The following RHOBTB1 variants were observed in gnomAD, a reference collection of about 807,000 sequenced individuals.
RHOBTB1 encodes Rho related BTB domain containing 1, also known as rho-related BTB domain-containing protein 1.
In RHOBTB1, 40 loss-of-function variants were observed where a neutral mutation model predicts 71.6. The observed-to-expected ratio is 0.56, with a 90% CI of 0.43 to 0.73. RHOBTB1 has a LOEUF of 0.73. Among genes scored for constraint, RHOBTB1 ranks in the 30% least tolerant of loss-of-function variants. The pLI is 0.00. For missense variants in RHOBTB1, 797 were observed against 894.0 expected (o/e 0.89, Z 1.38); for synonymous variants, 319 against 334.9 (o/e 0.95, Z 0.52).
intron 2 of RHOBTB1, among the ~76,000 whole-genome samples, chr10:60,973,265 T>G (rs2086219685): frequency 6.6e-6 from 1 of 152,096 alleles, no homozygotes; most frequent in East Asian, 1.9e-4. Flanking sequence ...ATTTTAGTGG[T>G]TGCAGAAAAT....
intron 2 of RHOBTB1, among the ~76,000 whole-genome samples, chr10:60,936,015 G>C (rs560540265): frequency 2.0e-5 from 3 of 152,300 alleles, no homozygotes; most frequent in African/African-American, 7.2e-5. Flanking sequence ...TGTTAATAAT[G>C]GAGATTAAAC....
intron 2 of RHOBTB1, among the ~76,000 whole-genome samples, chr10:60,967,285 GTT>G (rs1289662635): frequency 7.9e-6 from 1 of 126,680 alleles, no homozygotes; most frequent in African/African-American, 2.9e-5. Flanking sequence ...TTGTTTGCCT[GTT>G]TTTTTTTTTT....
In RHOBTB1 at chr10:60,888,606, C is replaced by T. The variant is rs2081730738; in HGVS notation, c.1062G>A (p.Val354=). The change falls in exon 6 of 11, where the codon GTG becomes GTA. Residue 354 remains valine (V), a synonymous_variant. Coordinates refer to ENST00000337910, the MANE Select transcript of RHOBTB1 (RefSeq NM_014836.5). ...DQWKSSNKSL[V]EALGLEAEGA... is the part of the protein sequence containing the mutation. ...CCTCGGCTTCCAGCCCCAGAGCCTC[C>T]ACCAGGCTCTTGTTTGAAGACTTCC... 6.2e-7 allele frequency: 1 copy of T among 1,614,196 alleles called. No homozygotes were observed.
chr10:60,958,105 A>C (rs2085656805), intron 2 of RHOBTB1, among the ~76,000 whole-genome samples: 1 of 152,172 alleles, frequency 6.6e-6, no homozygotes. Context: ...CAGTACACAA[A>C]ACAGCCAACG....
intron 2 of RHOBTB1, among the ~76,000 whole-genome samples, chr10:60,927,579 T>C (rs1404161706): frequency 6.6e-6 from 1 of 152,210 alleles, no homozygotes; most frequent in Non-Finnish European, 1.5e-5. Context: ...AGCCAACTTA[T>C]TTTTGACAAA....
At chr10:60,934,703 G>A (rs368109084) in intron 2 of RHOBTB1, among the ~76,000 whole-genome samples, 93 of 152,272 alleles carry the variant, frequency 6.1e-4, no homozygotes, top group African/African-American at 2.1e-3. Flanking sequence ...TTAGCCTTTG[G>A]CTCCATGTCC....
intron 4 of RHOBTB1, among the ~76,000 whole-genome samples, chr10:60,902,110 C>T (rs770491587): frequency 3.9e-5 from 6 of 152,182 alleles, no homozygotes; most frequent in Non-Finnish European, 8.8e-5. Context: ...TCTGTTTTTC[C>T]CTTCTGGGTA....
At chr10:60,887,152 G>T (rs2081627430) in intron 6 of RHOBTB1, among the ~76,000 whole-genome samples, 1 of 151,222 alleles carries the variant, frequency 6.6e-6, no homozygotes, top group South Asian at 2.1e-4. Flanking sequence ...AGGAGGAGGT[G>T]ATTTAATCAA....
chr10:60,998,064 G>A (rs1266120286), intron 1 of RHOBTB1, among the ~76,000 whole-genome samples: 2 of 152,176 alleles, frequency 1.3e-5, no homozygotes, highest in East Asian at 1.9e-4. Context: ...ATCATTCTGA[G>A]CTTCAGTTTC....
intron 1 of RHOBTB1, among the ~76,000 whole-genome samples, chr10:60,986,415 A>ATATAT (rs2086666734): frequency 6.9e-6 from 1 of 144,376 alleles, no homozygotes; most frequent in South Asian, 2.2e-4. Context: ...ATATATATAT[A>ATATAT]TATATATATA....
At chr10:60,939,454 G>A (rs952840522) in intron 2 of RHOBTB1, among the ~76,000 whole-genome samples, 1 of 152,170 alleles carries the variant, frequency 6.6e-6, no homozygotes, top group Non-Finnish European at 1.5e-5. Context: ...TGGAGTGACT[G>A]CCTCTTGACC....
chr10:60,921,341 T>C (rs1262653475), intron 2 of RHOBTB1, among the ~76,000 whole-genome samples: 1 of 152,134 alleles, frequency 6.6e-6, no homozygotes, highest in Non-Finnish European at 1.5e-5. Context: ...GGCAGAGGAA[T>C]GGTGAGGAAG....
At chr10:60,961,602 G>T (rs2085779447) in intron 2 of RHOBTB1, among the ~76,000 whole-genome samples, 1 of 152,104 alleles carries the variant, frequency 6.6e-6, no homozygotes, top group South Asian at 2.1e-4. Flanking sequence ...TTCAAACTAT[G>T]TGACCTTGAG....
At chr10:60,998,825 T>C (rs2087151821) in intron 1 of RHOBTB1, among the ~76,000 whole-genome samples, 1 of 152,184 alleles carries the variant, frequency 6.6e-6, no homozygotes, top group Admixed American at 6.5e-5. Context: ...GAAGAACTCT[T>C]CCACACTTCA....
At chr10:60,995,506 A>G (rs140750129) in intron 1 of RHOBTB1, among the ~76,000 whole-genome samples, 94 of 152,310 alleles carry the variant, frequency 6.2e-4, no homozygotes, top group Middle Eastern at 3.4e-3. Flanking sequence ...CTTACTGTTT[A>G]AAAGGCTTTG....
intron 1 of RHOBTB1, among the ~76,000 whole-genome samples, chr10:60,998,769 C>T (rs2087149468): frequency 6.6e-6 from 1 of 152,040 alleles, no homozygotes; most frequent in African/African-American, 2.4e-5. Context: ...AACCAGAGGC[C>T]CAGAGGGTTT....
At chr10:60,926,737 A>G (rs2083905619) in intron 2 of RHOBTB1, among the ~76,000 whole-genome samples, 1 of 152,088 alleles carries the variant, frequency 6.6e-6, no homozygotes, top group African/African-American at 2.4e-5. Context: ...TCTCAACACA[A>G]TAAAAGCAAT....
intron 2 of RHOBTB1, among the ~76,000 whole-genome samples, chr10:60,961,906 C>A (rs182361396): frequency 1.0e-3 from 153 of 150,158 alleles, no homozygotes; most frequent in Admixed American, 2.5e-3. Context: ...CTCCTGGGTT[C>A]AAATGATTCT....
chr10:60,999,168 G>C (rs1302989395), intron 1 of RHOBTB1, among the ~76,000 whole-genome samples: 2 of 152,338 alleles, frequency 1.3e-5, no homozygotes, highest in East Asian at 3.9e-4. Context: ...CTTGGATAAA[G>C]GAGGAGTGGC....
Sources: allele counts gnomAD v4.1 joint callset (sites outside exome capture counted in the v4.1 genomes callset), GRCh38; gene constraint gnomAD v4.1.1; transcripts MANE v1.5; gene names NCBI Gene and HGNC (gene_info 2026-07-23, HGNC 2026-07-21).